The following ZFPM2 variants were observed in gnomAD, a reference collection of about 807,000 sequenced individuals.
ZFPM2 encodes the protein zinc finger protein ZFPM2.
Under a neutral mutation model 98.6 loss-of-function variants are expected in ZFPM2, and 20 were observed. The ratio of observed to expected loss-of-function variants is 0.20; its 90% CI spans 0.14 to 0.29. The LOEUF is 0.29. Among genes scored for constraint, ZFPM2 ranks in the 10% least tolerant of loss-of-function variants. ZFPM2 has a pLI of 1.00. For missense variants in ZFPM2, 1,310 were observed against 1,388.6 expected (o/e 0.94, Z 0.90); for synonymous variants, 518 against 502.7 (o/e 1.03, Z -0.41).
chr8:105,346,575 G>C (rs972290317), intron 1 of ZFPM2, among the ~76,000 whole-genome samples: 1 of 152,088 alleles, frequency 6.6e-6, no homozygotes, highest in Non-Finnish European at 1.5e-5. Flanking sequence ...ATTACTTCTG[G>C]AAAAGGAAGG....
intron 2 of ZFPM2, among the ~76,000 whole-genome samples, chr8:105,424,580 T>TA (rs1811868642): frequency 6.6e-6 from 1 of 152,066 alleles, no homozygotes; most frequent in African/African-American, 2.4e-5. Flanking sequence ...TTCTTTAACA[T>TA]AAAAAATGTA....
intron 5 of ZFPM2, among the ~76,000 whole-genome samples, chr8:105,778,328 GA>G: frequency 6.6e-6 from 1 of 152,034 alleles, no homozygotes; most frequent in African/African-American, 2.4e-5. Context: ...TCTCAGTTAT[GA>G]AAAAAACAGA....
At chr8:105,782,742 A>G (rs1459890302) in intron 5 of ZFPM2, among the ~76,000 whole-genome samples, 1 of 152,172 alleles carries the variant, frequency 6.6e-6, no homozygotes, top group African/African-American at 2.4e-5. Context: ...ACCCAACCAT[A>G]TGGAGCATAT....
At chr8:105,514,504 A>G (rs1374477544) in intron 3 of ZFPM2, among the ~76,000 whole-genome samples, 2 of 152,072 alleles carry the variant, frequency 1.3e-5, no homozygotes, top group African/African-American at 4.8e-5. Context: ...GACTGAATGG[A>G]CAGTGTGGAT....
At chr8:105,747,712 C>T (rs1219797907) in intron 5 of ZFPM2, among the ~76,000 whole-genome samples, 3 of 151,994 alleles carry the variant, frequency 2.0e-5, no homozygotes, top group Non-Finnish European at 4.4e-5. Flanking sequence ...TTTCAAGGCA[C>T]TTAAAATGCA....
chr8:105,803,012 G>A lies in ZFPM2; in HGVS notation c.2930G>A (p.Gly977Glu), dbSNP rs759084301. Residue 977 changes from glycine (G) to glutamate (E), a missense_variant, in exon 8 of 8, where the codon GGA (glycine) becomes GAA (glutamate). By Grantham distance (98) the Gly-to-Glu change is moderately conservative (BLOSUM62 -2). Transcript: ENST00000407775. The stretch of plus-strand genomic sequence containing the variant: ...CCTGGAGCAATAAAGAAAGCAAAAG[G>A]AGCCGACCAGCTTTCTCCATATTAT... ...LYPGAIKKAK[G>E]ADQLSPYYGI... 2.7e-5 allele frequency: 44 copies of A among 1,612,816 alleles called. No homozygotes were observed. The highest frequency in any genetic ancestry group is 3.6e-5 in the Non-Finnish European group (42 of 1,179,498).
intron 5 of ZFPM2, among the ~76,000 whole-genome samples, chr8:105,741,510 C>A (rs12547056): frequency 0.28 from 42,353 of 151,930 alleles, 6,239 homozygotes; most frequent in East Asian, 0.36. Flanking sequence ...GCATCTAACA[C>A]CCAGGTGAGC....
At chr8:105,627,777 T>C (rs1474221878) in intron 4 of ZFPM2, among the ~76,000 whole-genome samples, 1 of 152,104 alleles carries the variant, frequency 6.6e-6, no homozygotes, top group African/African-American at 2.4e-5. Context: ...ATCTTACGGG[T>C]TCTGTGTAGG....
At chr8:105,542,915 T>C (rs28602844) in intron 3 of ZFPM2, among the ~76,000 whole-genome samples, 1 of 152,070 alleles carries the variant, frequency 6.6e-6, no homozygotes, top group East Asian at 1.9e-4. Context: ...TGTCTATGAG[T>C]GTGTGTGAAT....
chr8:105,693,007 GA>G (rs1563523952), intron 5 of ZFPM2, among the ~76,000 whole-genome samples: 1 of 152,092 alleles, frequency 6.6e-6, no homozygotes, highest in African/African-American at 2.4e-5. Flanking sequence ...AGACAGAGGT[GA>G]TAGGTGGGCA....
At chr8:105,449,629 G>A (rs1484655191) in intron 3 of ZFPM2, among the ~76,000 whole-genome samples, 1 of 151,934 alleles carries the variant, frequency 6.6e-6, no homozygotes, top group Non-Finnish European at 1.5e-5. Context: ...GTAATGTCAT[G>A]AATGGAGAAG....
chr8:105,513,463 A>G lies in ZFPM2; in HGVS notation c.302-47900A>G, dbSNP rs2130516046. Among the ~76,000 whole-genome samples the G allele has an allele frequency of 1.3e-5, 2 of 152,296 alleles. 1 individual carries two copies. The highest frequency in any genetic ancestry group is 4.1e-4 in the South Asian group (2 of 4,830). On this transcript the variant is annotated intron_variant, in intron 3 of 7. Coordinates refer to ENST00000407775, the MANE Select transcript of ZFPM2 (RefSeq NM_012082.4). The stretch of plus-strand genomic sequence containing the variant: ...GAAAAGTCCCTTTCTTTCAGATCTC[A>G]TGTACATCATCACGTCAGTAGTTAG...
intron 5 of ZFPM2, among the ~76,000 whole-genome samples, chr8:105,667,684 T>C (rs537921377): frequency 1.1e-4 from 16 of 152,276 alleles, no homozygotes; most frequent in African/African-American, 3.8e-4. Flanking sequence ...GCAAACTAAA[T>C]GCAGAAACAG....
At chr8:105,797,799 C>A (rs1427267087) in intron 6 of ZFPM2, among the ~76,000 whole-genome samples, 3 of 152,204 alleles carry the variant, frequency 2.0e-5, no homozygotes, top group East Asian at 3.9e-4. Flanking sequence ...CATCTCTAAT[C>A]TCCTCCCTCC....
chr8:105,670,359 G>T (rs936554139), intron 5 of ZFPM2, among the ~76,000 whole-genome samples: 2 of 151,980 alleles, frequency 1.3e-5, no homozygotes, highest in Non-Finnish European at 2.9e-5. Context: ...AGCTGGGCGC[G>T]GTGGCGGGCG....
At chr8:105,512,673 A>G (rs1813840723) in intron 3 of ZFPM2, among the ~76,000 whole-genome samples, 1 of 152,178 alleles carries the variant, frequency 6.6e-6, no homozygotes, top group Non-Finnish European at 1.5e-5. Flanking sequence ...GCCCTTAAAA[A>G]TTTCAATGAT....
intron 5 of ZFPM2, among the ~76,000 whole-genome samples, chr8:105,640,459 T>C (rs1816929657): frequency 6.6e-6 from 1 of 152,084 alleles, no homozygotes. Context: ...AATCATACTA[T>C]GACAGCCTTC....
chr8:105,495,150 T>A (rs1488707208), intron 3 of ZFPM2, among the ~76,000 whole-genome samples: 1 of 152,234 alleles, frequency 6.6e-6, no homozygotes, highest in Admixed American at 6.5e-5. Context: ...GTCTTCTGTT[T>A]ATCAAAGCCT....
At chr8:105,385,355 C>T (rs1396807083) in intron 1 of ZFPM2, among the ~76,000 whole-genome samples, 1 of 152,184 alleles carries the variant, frequency 6.6e-6, no homozygotes. Flanking sequence ...AATATTTGGG[C>T]TTCTCTTGAG....
Sources: gnomAD v4.1 joint callset for allele counts (sites outside exome capture counted in the v4.1 genomes callset) on GRCh38, gnomAD v4.1.1 for gene constraint, MANE v1.5 for transcripts, NCBI Gene and HGNC (gene_info 2026-07-23, HGNC 2026-07-21) for gene names.